The following LDAH variants were observed in gnomAD, a reference collection of about 807,000 sequenced individuals.
The protein encoded by LDAH is lipid droplet-associated hydrolase.
Under a neutral mutation model 29.6 loss-of-function variants are expected in LDAH, and 26 were observed. That is an observed-to-expected ratio of 0.88 (90% CI 0.64 to 1.22). The LOEUF is 1.22. Ranked by LOEUF, LDAH falls within the 50% of genes most tolerant of loss-of-function variation. The pLI, the probability that LDAH is intolerant of heterozygous loss-of-function variation, is 0.00. For synonymous variants in LDAH, 117 were observed against 133.0 expected (o/e 0.88, Z 0.83); for missense variants, 344 against 387.3 (o/e 0.89, Z 0.94).
At chr2:20,738,268 T>TAATAAG (rs1666938822) in intron 5 of LDAH, among the ~76,000 whole-genome samples, 1 of 147,210 alleles carries the variant, frequency 6.8e-6, no homozygotes, top group African/African-American at 2.5e-5. Flanking sequence ...ATAATAATAA[T>TAATAAG]AATAATAATA....
chr2:20,688,390 G>A (rs944257775), intron 6 of LDAH, among the ~76,000 whole-genome samples: 2 of 152,184 alleles, frequency 1.3e-5, no homozygotes, highest in African/African-American at 4.8e-5. Context: ...AGAGAGGGAT[G>A]AGGTCATGGA....
intron 1 of LDAH, among the ~76,000 whole-genome samples, chr2:20,819,870 G>A (rs1098151): frequency 0.16 from 24,188 of 151,984 alleles, 4,711 homozygotes; most frequent in African/African-American, 0.47. Context: ...AAACCCCATC[G>A]TCTCAGCCCA....
intron 5 of LDAH, among the ~76,000 whole-genome samples, chr2:20,727,203 CCT>C: frequency 6.6e-6 from 1 of 152,094 alleles, no homozygotes; most frequent in Middle Eastern, 3.4e-3. Flanking sequence ...ATAGCAAGAC[CCT>C]GTCTCTAATA....
At chr2:20,710,698 C>T (rs1179072643) in intron 5 of LDAH, among the ~76,000 whole-genome samples, 1 of 144,168 alleles carries the variant, frequency 6.9e-6, no homozygotes, top group African/African-American at 2.5e-5. Context: ...ATATATTATA[C>T]ATATATACAC....
At position 20,685,041 on chromosome 2, in the gene LDAH, C is replaced by A; in HGVS notation, c.*1862G>T. On this transcript the variant is annotated 3_prime_UTR_variant, in exon 7 of 7. Transcript: ENST00000237822. ...TCTCTTGCCCAACACAGAGATCAGGCCAGACCAGGTCAGAAATGCTGGTAA... is the reference window on the plus strand; with the variant it reads ...TCTCTTGCCCAACACAGAGATCAGGACAGACCAGGTCAGAAATGCTGGTAA... 2 of 1,267,596 alleles carry A rather than the reference C, an allele frequency of 1.6e-6. No individual in the cohort carries two copies. The highest frequency in any genetic ancestry group is 2.7e-5 in the East Asian group (1 of 36,538). 78.5% of individuals were successfully genotyped at this position (1,267,596 alleles called of 1,614,324 possible).
At chr2:20,735,427 A>G (rs1001196520) in intron 5 of LDAH, among the ~76,000 whole-genome samples, 1 of 151,314 alleles carries the variant, frequency 6.6e-6, no homozygotes, top group Non-Finnish European at 1.5e-5. Flanking sequence ...GAGATTTTAA[A>G]TTTGTTCTAA....
chr2:20,731,883 T>C (rs1431296026), intron 5 of LDAH, among the ~76,000 whole-genome samples: 1 of 151,880 alleles, frequency 6.6e-6, no homozygotes, highest in African/African-American at 2.4e-5. Flanking sequence ...ATTTGATATA[T>C]TTTTATTCCC....
rs61076745 is a variant in LDAH, at chr2:20,754,500, C to CAAAAA, written c.469-14300_469-14296dup. Among the ~76,000 whole-genome samples the CAAAAA allele has an allele frequency of 7.4e-3, 562 of 76,260 alleles. 2 individuals are homozygous for CAAAAA. Among genetic ancestry groups the CAAAAA allele is most frequent in the African/African-American group, 0.016 (282 of 18,120 alleles). 50.0% of individuals were successfully genotyped at this position (76,260 alleles called of 152,430 possible). ...AGCAAGACTCCAACTACCCTCGCCA[C>CAAAAA]AAAAAAAAAAAAAAAAAAAAAGGAA... On this transcript the variant is annotated intron_variant, in intron 4 of 6. Coordinates refer to ENST00000237822, the MANE Select transcript of LDAH (RefSeq NM_021925.4).
At chr2:20,714,756 C>T (rs1665033787) in intron 5 of LDAH, among the ~76,000 whole-genome samples, 1 of 152,198 alleles carries the variant, frequency 6.6e-6, no homozygotes, top group Non-Finnish European at 1.5e-5. Flanking sequence ...ATAAACACTT[C>T]TACGCAAATA....
rs1667063834 is a variant in LDAH, at chr2:20,740,032, A to T, written c.642T>A (p.Leu214=). ...ATTCATTCTCTAGGTTCATTACTTG[A>T]AGGCCCCTTCTGATTAGCAAGGACT... is the stretch of plus-strand genomic sequence containing the variant. The part of the protein sequence containing the change: ...TIKSLLIRRG[L]QVMNLENEFS... The change falls in exon 5 of 7, where the codon CTT becomes CTA. Residue 214 remains leucine (L), a synonymous_variant. Transcript: ENST00000237822. 1 of 1,614,018 alleles carries T rather than the reference A, an allele frequency of 6.2e-7. No homozygotes were observed. Among genetic ancestry groups the T allele is most frequent in the Non-Finnish European group, 8.5e-7 (1 of 1,180,006 alleles).
chr2:20,764,179 G>GTA (rs1668870834), intron 4 of LDAH, among the ~76,000 whole-genome samples: 1 of 152,064 alleles, frequency 6.6e-6, no homozygotes, highest in South Asian at 2.1e-4. Context: ...AAAAGATAAT[G>GTA]TGTGTGTGTG....
intron 5 of LDAH, among the ~76,000 whole-genome samples, chr2:20,737,418 C>T (rs1351424741): frequency 2.0e-5 from 3 of 152,024 alleles, no homozygotes; most frequent in African/African-American, 7.3e-5. Context: ...AAGAAAATGA[C>T]AAAAAGCAAC....
intron 4 of LDAH, among the ~76,000 whole-genome samples, chr2:20,766,709 T>C (rs1464547605): frequency 1.3e-5 from 2 of 152,244 alleles, no homozygotes; most frequent in Non-Finnish European, 2.9e-5. Flanking sequence ...TCTGCCTCTT[T>C]CTGTGACTTC....
chr2:20,751,698 C>G (rs1667985096), intron 4 of LDAH, among the ~76,000 whole-genome samples: 1 of 152,098 alleles, frequency 6.6e-6, no homozygotes, highest in African/African-American at 2.4e-5. Context: ...AAAGAAACAA[C>G]AGATTGACAG....
At chr2:20,822,708 G>A (rs540179741) in intron 1 of LDAH, among the ~76,000 whole-genome samples, 1 of 152,060 alleles carries the variant, frequency 6.6e-6, no homozygotes, top group Non-Finnish European at 1.5e-5. Context: ...AGTTCTTCCC[G>A]GCCAGCTGCC....
At chr2:20,780,928 T>A (rs764085051) in intron 3 of LDAH, among the ~76,000 whole-genome samples, 1 of 152,172 alleles carries the variant, frequency 6.6e-6, no homozygotes, top group Non-Finnish European at 1.5e-5. Context: ...CTCCCAGTCC[T>A]GGCAAGAGAA....
intron 5 of LDAH, among the ~76,000 whole-genome samples, chr2:20,733,703 C>T (rs1157274836): frequency 2.0e-5 from 3 of 151,426 alleles, no homozygotes; most frequent in East Asian, 3.9e-4. Context: ...AGTGCCTGGC[C>T]AATTTTTAAA....
At chr2:20,739,885 C>T (rs1041634216) in intron 5 of LDAH, 86 bp downstream of exon 5, 1 of 915,542 alleles carries the variant, frequency 1.1e-6, no homozygotes, top group African/African-American at 1.7e-5. Context: ...TAATTGCTTG[C>T]TTGATATTTG....
At chr2:20,810,660 T>C (rs1672407321) in intron 1 of LDAH, among the ~76,000 whole-genome samples, 1 of 152,146 alleles carries the variant, frequency 6.6e-6, no homozygotes, top group African/African-American at 2.4e-5. Context: ...CGATAAGAAC[T>C]GAGAATGCTT....
Sources: gnomAD v4.1 joint callset for allele counts (sites outside exome capture counted in the v4.1 genomes callset) on GRCh38, gnomAD v4.1.1 for gene constraint, MANE v1.5 for transcripts, NCBI Gene and HGNC (gene_info 2026-07-23, HGNC 2026-07-21) for gene names.